The following RAPH1 variants were observed in gnomAD, a reference collection of about 807,000 sequenced individuals.
RAPH1 encodes Ras association (RalGDS/AF-6) and pleckstrin homology domains 1, also known as ras-associated and pleckstrin homology domains-containing protein 1.
A neutral mutation model predicts 88.1 loss-of-function variants in RAPH1; 18 were observed. That is an observed-to-expected ratio of 0.20 (90% CI 0.14 to 0.30). The LOEUF (loss-of-function observed/expected upper bound fraction) is 0.30. Ranked by LOEUF, RAPH1 falls within the 10% of genes least tolerant of loss-of-function variation. The pLI, the probability that RAPH1 is intolerant of heterozygous loss-of-function variation, is 1.00. For synonymous variants in RAPH1, 587 were observed against 559.0 expected, an observed-to-expected ratio of 1.05 and a Z score of -0.71; for missense variants, 1,448 against 1,543.2, an observed-to-expected ratio of 0.94 and a Z score of 1.03.
chr2:203,452,817 A>T (rs753436005), intron 10 of RAPH1, among the ~76,000 whole-genome samples: 1 of 152,110 alleles, frequency 6.6e-6, no homozygotes. Flanking sequence ...GTGTGGTGGC[A>T]TGTGGCTGTA....
chr2:203,531,954 G>A (rs893216895), intron 1 of RAPH1, among the ~76,000 whole-genome samples: 3 of 152,138 alleles, frequency 2.0e-5, no homozygotes, highest in Admixed American at 1.3e-4. Context: ...AATACTCAAG[G>A]CAGCATTATT....
intron 4 of RAPH1, among the ~76,000 whole-genome samples, chr2:203,473,112 A>G (rs997572248): frequency 6.6e-6 from 1 of 151,522 alleles, no homozygotes; most frequent in African/African-American, 2.5e-5. Context: ...GAAACAACAA[A>G]CATGTGGAAA....
chr2:203,525,025 C>T (rs1690051214), intron 1 of RAPH1, among the ~76,000 whole-genome samples: 2 of 152,130 alleles, frequency 1.3e-5, no homozygotes, highest in Admixed American at 6.5e-5. Context: ...TCTAAATGGC[C>T]TAGCAATCCC....
intron 4 of RAPH1, among the ~76,000 whole-genome samples, chr2:203,480,422 C>T (rs1245099547): frequency 6.6e-6 from 1 of 152,096 alleles, no homozygotes; most frequent in Non-Finnish European, 1.5e-5. Context: ...GTGGTGCGCG[C>T]CTATAGTCAC....
In RAPH1 at chr2:203,529,631, G is replaced by C. The variant is rs190496285; in HGVS notation, c.-1+5480C>G. 3.3e-4 allele frequency among the ~76,000 whole-genome samples: 50 copies of C among 151,404 alleles called. 1 individual carries two copies. The highest frequency in any genetic ancestry group is 3.6e-3 in the Middle Eastern group (1 of 280). ...ACCCACCTTGGCTTCCCAAAGTGCT[G>C]GGATTACAGGCATGAGCCACTGCAC... On this transcript the variant is annotated intron_variant, in intron 1 of 13. Coordinates refer to ENST00000319170, the MANE Select transcript of RAPH1 (RefSeq NM_213589.3).
rs557062104 is a variant in RAPH1 at position 203,520,347 on chromosome 2, G to A, written c.-1+14764C>T. 6.1e-5 allele frequency among the ~76,000 whole-genome samples: 9 copies of A among 148,630 alleles called. No homozygotes were observed. The South Asian group carries it at 8.6e-4, about 14-fold the overall frequency. Reference sequence around the variant, plus strand: ...CCCCTGCCTCAAAAAAAAAAACCACGCCAGGCATGGTGGCTCATGTCTGTA... The same window carrying A: ...CCCCTGCCTCAAAAAAAAAAACCACACCAGGCATGGTGGCTCATGTCTGTA... On this transcript the variant is annotated intron_variant, in intron 1 of 13. Transcript: ENST00000319170.
chr2:203,471,816 T>TA (rs1187672209), intron 4 of RAPH1, among the ~76,000 whole-genome samples: 36 of 85,726 alleles, frequency 4.2e-4, no homozygotes, highest in South Asian at 8.1e-4. Context: ...ACCCATTCTT[T>TA]AAAAAAAAAA....
Position 203,455,377 on chromosome 2 carries a change from A to G in RAPH1, c.1302+60T>C, listed in dbSNP as rs1581269534. On this transcript the variant is annotated intron_variant, in intron 9 of 13. Coordinates refer to ENST00000319170, the MANE Select transcript of RAPH1 (RefSeq NM_213589.3). Reference sequence around the variant, plus strand: ...TGGGTTCACCTTGTCAGCATACTCAATACAAATTAAAAGCAATTAGCATAA... The same window carrying G: ...TGGGTTCACCTTGTCAGCATACTCAGTACAAATTAAAAGCAATTAGCATAA... The G allele has an allele frequency of 2.8e-5, 43 of 1,534,624 alleles. 1 individual carries two copies. In the East Asian group the frequency reaches 6.1e-4, roughly 22 times the overall value.
intron 1 of RAPH1, among the ~76,000 whole-genome samples, chr2:203,507,983 C>T (rs948058679): frequency 2.0e-5 from 3 of 151,464 alleles, no homozygotes; most frequent in East Asian, 1.9e-4. Flanking sequence ...GAGGCTGAGG[C>T]GGGCGGATCA....
intron 4 of RAPH1, among the ~76,000 whole-genome samples, chr2:203,462,994 G>A (rs1006083899): frequency 2.0e-5 from 3 of 152,042 alleles, no homozygotes; most frequent in Non-Finnish European, 4.4e-5. Flanking sequence ...GAGGTCAGGA[G>A]TTGGAGACCA....
Position 203,464,774 on chromosome 2 carries a change from A to AG in RAPH1, c.733-2850_733-2849insC, listed in dbSNP as rs1199721795. On this transcript the variant is annotated intron_variant, in intron 4 of 13. Coordinates refer to ENST00000319170, the MANE Select transcript of RAPH1 (RefSeq NM_213589.3). ...CTGATAAAGAACTGTTATAAAAAAA[A>AG]AGAGAGAGAGAGCTCTTAAAATTCT... 3.3e-5 allele frequency among the ~76,000 whole-genome samples: 5 copies of AG among 150,712 alleles called. 1 individual carries two copies. Among genetic ancestry groups the AG allele is most frequent in the Admixed American group, 1.3e-4 (2 of 15,192 alleles).
chr2:203,465,292 G>C (rs542637148), intron 4 of RAPH1, among the ~76,000 whole-genome samples: 1 of 152,216 alleles, frequency 6.6e-6, no homozygotes, highest in South Asian at 2.1e-4. Context: ...CCTGACAATG[G>C]AATATTATTC....
At chr2:203,500,063 T>C (rs1010722291) in intron 1 of RAPH1, among the ~76,000 whole-genome samples, 3 of 152,150 alleles carry the variant, frequency 2.0e-5, no homozygotes, top group South Asian at 2.1e-4. Flanking sequence ...TTTGATTTCA[T>C]TGAACATTCA....
Position 203,438,380 on chromosome 2 carries a change from G to T in RAPH1, c.*1057C>A, listed in dbSNP as rs1041815401. The stretch of plus-strand genomic sequence containing the variant: ...AAAATGCATTTTAGAAAATGATTTT[G>T]TTTTTCATAATGCACCATATTGGGG... On this transcript the variant is annotated 3_prime_UTR_variant, in exon 14 of 14. Coordinates refer to ENST00000319170, the MANE Select transcript of RAPH1 (RefSeq NM_213589.3). 13 of 328,096 alleles carry T rather than the reference G, an allele frequency of 4.0e-5. No individual in the cohort carries two copies. Among genetic ancestry groups the T allele is most frequent in the Admixed American group, 2.1e-4 (5 of 23,262 alleles). The allele number at this position is 328,096 out of a possible 1,614,324, so 20.3% of individuals were successfully genotyped here.
rs1687784225 is a variant in RAPH1, at chr2:203,482,726, C to G, written c.732+6858G>C. Among the ~76,000 whole-genome samples the G allele has an allele frequency of 2.0e-5, 3 of 152,018 alleles. No homozygotes were observed. The South Asian group carries it at 6.2e-4, about 32-fold the overall frequency. ...ACTGAGGCAGGAGGATCCACTGAACCCAGGGAGCAGAGGTTACAGTGAGCC... is the reference window on the plus strand; with the variant it reads ...ACTGAGGCAGGAGGATCCACTGAACGCAGGGAGCAGAGGTTACAGTGAGCC... On this transcript the variant is annotated intron_variant, in intron 4 of 13. Coordinates refer to ENST00000319170, the MANE Select transcript of RAPH1 (RefSeq NM_213589.3).
chr2:203,441,736 T>C (rs554931278), intron 13 of RAPH1: 1 of 1,284,070 alleles, frequency 7.8e-7, no homozygotes, highest in Non-Finnish European at 9.8e-7. Context: ...CTGTATGACT[T>C]TGACACAGCC....
chr2:203,453,975 T>C (rs1050773500), intron 10 of RAPH1, among the ~76,000 whole-genome samples: 1 of 152,030 alleles, frequency 6.6e-6, no homozygotes, highest in African/African-American at 2.4e-5. Context: ...ATCATGACTA[T>C]AGTTCAGGGA....
intron 4 of RAPH1, among the ~76,000 whole-genome samples, chr2:203,483,482 A>G (rs1225842301): frequency 6.6e-6 from 1 of 152,230 alleles, no homozygotes; most frequent in Non-Finnish European, 1.5e-5. Flanking sequence ...ATTATTTGAG[A>G]TAGAGAAGAC....
chr2:203,439,754 T>C lies in RAPH1; in HGVS notation c.3436A>G (p.Thr1146Ala), dbSNP rs1244030806. The change falls in exon 14 of 14, where the codon ACA becomes GCA. Residue 1146 changes from threonine to alanine, a missense_variant. Physicochemically the swap from Thr to Ala is moderately conservative, Grantham distance 58. Around this residue, in one of 2 missense-constraint regions of RAPH1, gnomAD observed 935 missense variants for 890.1 expected, o/e 1.05. Transcript: ENST00000319170. Reference sequence around the variant, plus strand: ...GAGGTGGGCACTTGTGGCACAACTGTGGCCATTGTTGGCTGCTCAGAAATC... The same window carrying C: ...GAGGTGGGCACTTGTGGCACAACTGCGGCCATTGTTGGCTGCTCAGAAATC... Reference protein sequence around the residue: ...AEISEQPTMATVVPQVPTSPK... With the variant: ...AEISEQPTMAAVVPQVPTSPK... 7.4e-6 allele frequency: 12 copies of C among 1,614,004 alleles called. No individual in the cohort carries two copies. The highest frequency in any genetic ancestry group is 1.0e-5 in the Non-Finnish European group (12 of 1,180,032).
Sources: gnomAD v4.1 joint callset for allele counts (sites outside exome capture counted in the v4.1 genomes callset) on GRCh38, gnomAD v4.1.1 for gene constraint, gnomAD v4.1.1 regional missense constraint, MANE v1.5 for transcripts, NCBI Gene and HGNC (gene_info 2026-07-23, HGNC 2026-07-21) for gene names.